The following LAMC1 variants were observed in gnomAD, a reference collection of about 807,000 sequenced individuals.
LAMC1 encodes laminin subunit gamma-1.
Under a neutral mutation model 173.6 loss-of-function variants are expected in LAMC1, and 38 were observed. The observed-to-expected ratio is 0.22, with a 90% CI of 0.17 to 0.29. The LOEUF is 0.29. Among genes scored for constraint, LAMC1 ranks in the 10% least tolerant of loss-of-function variants. The pLI is 1.00. For missense variants in LAMC1, 1,824 were observed against 2,051.8 expected (o/e 0.89, Z 2.14); for synonymous variants, 746 against 749.1 (o/e 1.00, Z 0.07).
In LAMC1 at chr1:183,142,970, C is replaced by A; in HGVS notation, c.*180C>A. On this transcript the variant is annotated 3_prime_UTR_variant, in exon 28 of 28. Coordinates refer to ENST00000258341, the MANE Select transcript of LAMC1 (RefSeq NM_002293.4). ...GAGAAGCAAATTAAACATCCTGAAT[C>A]GGGAACAAAGGGTTTTATCTAATAA... The A allele has an allele frequency of 1.6e-6, 1 of 621,042 alleles. No individual in the cohort carries two copies. The highest frequency in any genetic ancestry group is 2.7e-6 in the Non-Finnish European group (1 of 367,948). 38.5% of individuals were successfully genotyped at this position (621,042 alleles called of 1,614,324 possible).
In LAMC1 at chr1:183,121,742, T is replaced by C; in HGVS notation, c.2010T>C (p.Asp670=). Residue 670 remains aspartate (D), a synonymous_variant, in exon 12 of 28, where the codon GAT becomes GAC. Transcript: ENST00000258341. ...ACACAGGTGCTGGATATTTGGATGA[T>C]GTCACCCTGGCAAGTGCTCGTCCTG... The part of the protein sequence containing the change: ...YSERSAGYLD[D]VTLASARPGP... 1 of 1,614,016 alleles carries C rather than the reference T, an allele frequency of 6.2e-7. No individual in the cohort carries two copies. The highest frequency in any genetic ancestry group is 8.5e-7 in the Non-Finnish European group (1 of 1,179,952).
intron 1 of LAMC1, among the ~76,000 whole-genome samples, chr1:183,057,904 CATATT>C (rs1166228513): frequency 6.6e-6 from 1 of 152,054 alleles, no homozygotes; most frequent in East Asian, 1.9e-4. Context: ...TCTAACTAAA[CATATT>C]ATATATTTTT....
At chr1:183,135,351 A>G (rs532349456) in intron 24 of LAMC1, among the ~76,000 whole-genome samples, 195 bp downstream of exon 24, 1 of 152,244 alleles carries the variant, frequency 6.6e-6, no homozygotes, top group African/African-American at 2.4e-5. Context: ...TTTTTTAAAG[A>G]TGTTTTCTTA....
intron 1 of LAMC1, among the ~76,000 whole-genome samples, chr1:183,058,401 G>A (rs1022133056): frequency 1.3e-5 from 2 of 152,118 alleles, no homozygotes; most frequent in African/African-American, 4.8e-5. Context: ...CAATTTGCTT[G>A]GCAGGTGTAT....
chr1:183,094,859 G>A (rs533729045), intron 1 of LAMC1, among the ~76,000 whole-genome samples: 5 of 151,818 alleles, frequency 3.3e-5, no homozygotes, highest in South Asian at 2.1e-4. Flanking sequence ...TTTGTTTTTC[G>A]TTTTTGAGAT....
intron 1 of LAMC1, among the ~76,000 whole-genome samples, chr1:183,091,034 T>G (rs1655553114): frequency 6.6e-6 from 1 of 152,168 alleles, no homozygotes; most frequent in Non-Finnish European, 1.5e-5. Flanking sequence ...AGTGCTTCTT[T>G]CTGTGAAATC....
At chr1:183,101,926 C>T (rs1306778553) in intron 1 of LAMC1, among the ~76,000 whole-genome samples, 2 of 152,162 alleles carry the variant, frequency 1.3e-5, no homozygotes, top group Non-Finnish European at 2.9e-5. Context: ...TTATAGAGAA[C>T]GCTCAGTTGA....
At chr1:183,090,020 C>G (rs1397243013) in intron 1 of LAMC1, among the ~76,000 whole-genome samples, 1 of 152,190 alleles carries the variant, frequency 6.6e-6, no homozygotes, top group Non-Finnish European at 1.5e-5. Context: ...TCTGTTTTAA[C>G]CCTAAAAGGA....
At chr1:183,129,810 T>C (rs1211359626) in intron 18 of LAMC1, among the ~76,000 whole-genome samples, 1 of 129,016 alleles carries the variant, frequency 7.8e-6, no homozygotes, top group Admixed American at 8.7e-5. Context: ...AGAGATCAGT[T>C]TGAAAGAAAT....
At chr1:183,069,702 A>G (rs924917150) in intron 1 of LAMC1, among the ~76,000 whole-genome samples, 1 of 152,228 alleles carries the variant, frequency 6.6e-6, no homozygotes, top group Non-Finnish European at 1.5e-5. Context: ...ACCATCTGGT[A>G]TGTCACAGTT....
In LAMC1 at chr1:183,126,237, T is replaced by C. The variant is rs1656616610; in HGVS notation, c.2919T>C (p.Phe973=). ...GTGAGCGCTGTGAGGTCAACCACTT[T>C]GGGTTTGGACCTGAAGGCTGCAAAC... ...QHCERCEVNH[F]GFGPEGCKPC... Residue 973 remains phenylalanine (F), a synonymous_variant, in exon 16 of 28, where the codon TTT becomes TTC. Transcript: ENST00000258341. The C allele has an allele frequency of 1.9e-6, 3 of 1,613,986 alleles. No homozygotes were observed. In the South Asian group the frequency reaches 3.3e-5, roughly 18 times the overall value.
chr1:183,145,239 T>A lies in LAMC1; in HGVS notation c.*2449T>A, dbSNP rs768955679. 2 of 152,648 alleles carry A rather than the reference T, an allele frequency of 1.3e-5. No homozygotes were observed. Among genetic ancestry groups the A allele is most frequent in the Non-Finnish European group, 2.9e-5 (2 of 68,044 alleles). 9.5% of individuals were successfully genotyped at this position (152,648 alleles called of 1,614,324 possible). A position where few individuals can be genotyped will look rare whatever the true frequency, so the allele number is the denominator to read the frequency against. On this transcript the variant is annotated 3_prime_UTR_variant, in exon 28 of 28. Transcript: ENST00000258341. Reference sequence around the variant, plus strand: ...GTATATTTTTTAAGCAGAATTTTATTTTTTAAAATAAAAGGTTCTTTACAA... The same window carrying A: ...GTATATTTTTTAAGCAGAATTTTATATTTTAAAATAAAAGGTTCTTTACAA...
intron 25 of LAMC1, 100 bp from the exon 26 acceptor site, chr1:183,137,569 T>G (rs1656980592): frequency 1.6e-6 from 1 of 616,902 alleles, no homozygotes; most frequent in African/African-American, 1.9e-5. Context: ...ATTTCTGGAT[T>G]ATATTTTTAA....
intron 1 of LAMC1, among the ~76,000 whole-genome samples, chr1:183,093,016 C>T (rs996092492): frequency 3.9e-5 from 6 of 152,138 alleles, no homozygotes; most frequent in East Asian, 3.8e-4. Flanking sequence ...CAGTGGTTCA[C>T]GCCTATAATC....
intron 2 of LAMC1, among the ~76,000 whole-genome samples, chr1:183,105,816 T>C (rs1655964677): frequency 6.6e-6 from 1 of 152,220 alleles, no homozygotes; most frequent in Admixed American, 6.5e-5. Context: ...CCTCTCTTCC[T>C]CTCTTCATTG....
intron 18 of LAMC1, 167 bp downstream of exon 18, chr1:183,128,917 A>T (rs1436486685): frequency 9.3e-6 from 4 of 428,518 alleles, no homozygotes; most frequent in African/African-American, 5.9e-5. Flanking sequence ...AAGCAACCTG[A>T]CAAATTTACT....
chr1:183,122,375 A>T, intron 13 of LAMC1, 124 bp downstream of exon 13: 1 of 876,794 alleles, frequency 1.1e-6, no homozygotes, highest in Non-Finnish European at 1.8e-6. Context: ...GGTTTTCCTA[A>T]TAGGAAGCTG....
Position 183,131,861 on chromosome 1 carries a change from A to G in LAMC1, c.3566+483A>G, listed in dbSNP as rs1162914653. ...TAAACATTTTCTCTTATAAATGTAT[A>G]CCAATAATTTTTTTGGAAAATATTC... is the stretch of plus-strand genomic sequence containing the variant. On this transcript the variant is annotated intron_variant, in intron 20 of 27. Coordinates refer to ENST00000258341, the MANE Select transcript of LAMC1 (RefSeq NM_002293.4). Among the ~76,000 whole-genome samples the G allele has an allele frequency of 6.6e-5, 10 of 152,390 alleles. No homozygotes were observed. The East Asian group carries it at 1.5e-3, about 23-fold the overall frequency.
chr1:183,050,328 C>T (rs1338425220), intron 1 of LAMC1, among the ~76,000 whole-genome samples: 1 of 142,148 alleles, frequency 7.0e-6, no homozygotes, highest in East Asian at 2.1e-4. Context: ...CTCGCCCAGG[C>T]TGGAATGCAG....
Sources: allele counts gnomAD v4.1 joint callset (sites outside exome capture counted in the v4.1 genomes callset), GRCh38; gene constraint gnomAD v4.1.1; transcripts MANE v1.5; gene names NCBI Gene and HGNC (gene_info 2026-07-23, HGNC 2026-07-21).